PTGES3: variants seen among roughly 807,000 people sequenced by gnomAD.
PTGES3 encodes prostaglandin E synthase 3.
Under a neutral mutation model 29.9 loss-of-function variants are expected in PTGES3, and 5 were observed. The ratio of observed to expected loss-of-function variants is 0.17; its 90% CI spans 0.09 to 0.35. PTGES3 has a LOEUF of 0.35. Among genes scored for constraint, PTGES3 ranks in the 10% least tolerant of loss-of-function variants. PTGES3 has a pLI of 1.00. For missense variants in PTGES3, 128 were observed against 190.0 expected (o/e 0.67, Z 1.92); for synonymous variants, 49 against 57.8 (o/e 0.85, Z 0.69).
chr12:56,669,970 A>T (rs934298912), intron 5 of PTGES3, among the ~76,000 whole-genome samples: 19 of 20,072 alleles, frequency 9.5e-4, no homozygotes, highest in African/African-American at 1.8e-3. Context: ...ATCATGCTTT[A>T]AAAAAAAAAA....
At chr12:56,681,093 TG>T (rs1952514594) in intron 1 of PTGES3, among the ~76,000 whole-genome samples, 2 of 151,878 alleles carry the variant, frequency 1.3e-5, no homozygotes, top group Non-Finnish European at 2.9e-5. Flanking sequence ...AGTTGTGTTT[TG>T]TTTTTTTGTT....
chr12:56,679,391 AGAGT>A (rs558815096), intron 1 of PTGES3, among the ~76,000 whole-genome samples: 36 of 131,924 alleles, frequency 2.7e-4, no homozygotes, highest in Middle Eastern at 4.0e-3. Flanking sequence ...CCTGGGCAAC[AGAGT>A]GAGACTCTGC....
chr12:56,667,240 T>TA (rs1951824836), intron 5 of PTGES3, among the ~76,000 whole-genome samples: 1 of 152,228 alleles, frequency 6.6e-6, no homozygotes, highest in East Asian at 1.9e-4. Context: ...ATCATGGTTT[T>TA]AGATATTGTG....
intron 1 of PTGES3, chr12:56,687,321 A>T: frequency 2.0e-6 from 2 of 989,508 alleles, no homozygotes; most frequent in Non-Finnish European, 2.4e-6. Flanking sequence ...CTACCTGCTC[A>T]ATGGTAACTC....
At chr12:56,676,980 A>C (rs1952284259) in intron 1 of PTGES3, among the ~76,000 whole-genome samples, 1 of 150,362 alleles carries the variant, frequency 6.7e-6, no homozygotes, top group South Asian at 2.1e-4. Flanking sequence ...TTATGGCAGT[A>C]ATCTCAGCAC....
At position 56,673,085 on chromosome 12, in the gene PTGES3, G is replaced by A. The variant is rs77291033; in HGVS notation, c.3-20C>T. On this transcript the variant is annotated intron_variant, in intron 1 of 7. Transcript: ENST00000262033. ...GGCTGCCTACAAAAGGATAAAGTAG[G>A]GAAAGTCAAGCTGGAATTCATTAAC... The A allele has an allele frequency of 6.5e-7, 1 of 1,531,538 alleles. No homozygotes were observed. The highest frequency in any genetic ancestry group is 8.9e-7 in the Non-Finnish European group (1 of 1,123,636). The allele number at this position is 1,531,538 out of a possible 1,614,324, so 94.9% of individuals were successfully genotyped here.
Position 56,688,192 on chromosome 12 carries a change from C to G in PTGES3, c.-193G>C. The G allele has an allele frequency of 2.0e-6, 2 of 993,542 alleles. No individual in the cohort carries two copies. The highest frequency in any genetic ancestry group is 2.7e-6 in the Non-Finnish European group (2 of 732,210). The allele number at this position is 993,542 out of a possible 1,614,324, so 61.5% of individuals were successfully genotyped here. ...CCCAGAATGCACCGCGCGGAAAGAG[C>G]GGCTCCTCCGGTCGGGGAGAAGAGG... is the stretch of plus-strand genomic sequence containing the variant. On this transcript the variant is annotated 5_prime_UTR_variant, in exon 1 of 8. Transcript: ENST00000262033.
chr12:56,670,123 T>C, intron 5 of PTGES3, 152 bp downstream of exon 5: 1 of 567,666 alleles, frequency 1.8e-6, no homozygotes, highest in South Asian at 2.5e-5. Flanking sequence ...ATTGCCATTG[T>C]TAACATCTAT....
intron 1 of PTGES3, among the ~76,000 whole-genome samples, chr12:56,683,393 A>AAC (rs995659136): frequency 6.9e-6 from 1 of 144,732 alleles, no homozygotes; most frequent in Non-Finnish European, 1.5e-5. Flanking sequence ...GAATTGCTTG[A>AAC]ACACAGGAGG....
At chr12:56,682,094 G>A (rs1036700586) in intron 1 of PTGES3, among the ~76,000 whole-genome samples, 2 of 152,008 alleles carry the variant, frequency 1.3e-5, no homozygotes, top group Non-Finnish European at 2.9e-5. Flanking sequence ...TGACCTGCCC[G>A]CCTTGGCCTC....
intron 4 of PTGES3, among the ~76,000 whole-genome samples, chr12:56,671,304 G>A (rs1951994831): frequency 2.0e-5 from 3 of 152,120 alleles, no homozygotes; most frequent in African/African-American, 4.8e-5. Flanking sequence ...GGACTGAGGA[G>A]GGAGGATCAC....
chr12:56,685,394 C>G (rs796218212), intron 1 of PTGES3, among the ~76,000 whole-genome samples: 2 of 96,912 alleles, frequency 2.1e-5, no homozygotes, highest in Non-Finnish European at 4.1e-5. Context: ...AGCATTTTTT[C>G]TTTTCTTTTT....
intron 1 of PTGES3, among the ~76,000 whole-genome samples, chr12:56,682,584 G>T (rs760024588): frequency 1.3e-5 from 2 of 151,752 alleles, no homozygotes; most frequent in African/African-American, 2.4e-5. Flanking sequence ...CCGGAAAACC[G>T]CAAGTTCAAA....
chr12:56,683,473 CAAAAAAAAAAAAAAA>C (rs71081388), intron 1 of PTGES3, among the ~76,000 whole-genome samples: 3 of 29,750 alleles, frequency 1.0e-4, no homozygotes, highest in Non-Finnish European at 1.9e-4. Context: ...AACTCTGTCT[CAAAAAAAAAAAAAAA>C]AAAAAAAAAA....
At chr12:56,670,481 G>A in intron 4 of PTGES3, 117 bp from the exon 5 acceptor site, 1 of 715,346 alleles carries the variant, frequency 1.4e-6, no homozygotes, top group Non-Finnish European at 2.4e-6. Flanking sequence ...TGCCCAGGCT[G>A]GAGTGCAGCA....
intron 1 of PTGES3, among the ~76,000 whole-genome samples, chr12:56,678,040 T>C (rs1409584666): frequency 6.6e-6 from 1 of 152,136 alleles, no homozygotes; most frequent in African/African-American, 2.4e-5. Flanking sequence ...GGGAGACAGC[T>C]TGGTGTCAGA....
At chr12:56,687,794 A>T in intron 1 of PTGES3, 1 of 1,428,862 alleles carries the variant, frequency 7.0e-7, no homozygotes, top group South Asian at 1.4e-5. Flanking sequence ...GGAACGGTTC[A>T]GGGGTGGGGG....
At chr12:56,687,731 T>G (rs1480836930) in intron 1 of PTGES3, 6 of 1,357,420 alleles carry the variant, frequency 4.4e-6, no homozygotes, top group South Asian at 1.7e-5. Flanking sequence ...AAGAGGCGAG[T>G]AACCCAGACA....
chr12:56,678,640 T>C (rs539767037), intron 1 of PTGES3, among the ~76,000 whole-genome samples: 1 of 152,326 alleles, frequency 6.6e-6, no homozygotes, highest in African/African-American at 2.4e-5. Flanking sequence ...ATTAGAGTTA[T>C]AACTCACCAG....
Sources: allele counts gnomAD v4.1 joint callset (sites outside exome capture counted in the v4.1 genomes callset), GRCh38; gene constraint gnomAD v4.1.1; transcripts MANE v1.5; gene names NCBI Gene and HGNC (gene_info 2026-07-23, HGNC 2026-07-21).